Variants in NAV3 observed in about 807,000 individuals in gnomAD.
The protein encoded by NAV3 is pore membrane and/or filament interacting like protein 1.
In NAV3, 87 loss-of-function variants were observed where a neutral mutation model predicts 244.7. The ratio of observed to expected loss-of-function variants is 0.36; its 90% CI spans 0.30 to 0.42. The LOEUF (loss-of-function observed/expected upper bound fraction) is 0.42, where lower values mean the gene tolerates loss of function less well. NAV3 is among the 20% of genes least tolerant of loss of function. NAV3 has a pLI of 1.00. For missense variants in NAV3, 2,663 were observed against 2,893.3 expected (o/e 0.92, Z 1.83); for synonymous variants, 1,126 against 1,042.2 (o/e 1.08, Z -1.55).
intron 12 of NAV3, among the ~76,000 whole-genome samples, chr12:78,090,255 A>T (rs1953857174): frequency 6.7e-6 from 1 of 149,064 alleles, no homozygotes; most frequent in South Asian, 2.1e-4. Flanking sequence ...ATCAAATTTT[A>T]TATATATATA....
intron 2 of NAV3, among the ~76,000 whole-genome samples, chr12:77,810,782 T>G (rs11613572): frequency 0.072 from 10,916 of 152,262 alleles, 529 homozygotes; most frequent in Non-Finnish European, 0.1. Flanking sequence ...TATTTCTGCC[T>G]AACCACTTTA....
intron 2 of NAV3, among the ~76,000 whole-genome samples, chr12:77,713,080 G>A (rs1463052903): frequency 2.3e-4 from 35 of 152,164 alleles, no homozygotes; most frequent in Admixed American, 2.3e-3. Flanking sequence ...TCTACCAACC[G>A]AGAGATTGCC....
intron 1 of NAV3, among the ~76,000 whole-genome samples, chr12:77,886,088 A>C (rs1883253188): frequency 6.6e-6 from 1 of 152,070 alleles, no homozygotes; most frequent in African/African-American, 2.4e-5. Flanking sequence ...CGATAGTCTC[A>C]ATCCAGGCTT....
In NAV3 at chr12:77,951,511, C is replaced by T. The variant is rs1349395360; in HGVS notation, c.414+10378C>T. Among the ~76,000 whole-genome samples the T allele has an allele frequency of 4.6e-5, 7 of 152,100 alleles. No homozygotes were observed. The East Asian group carries it at 7.7e-4, about 17-fold the overall frequency. On this transcript the variant is annotated intron_variant, in intron 3 of 39. Coordinates refer to ENST00000397909, the MANE Select transcript of NAV3 (RefSeq NM_001024383.2). ...TCAACAATTGTGGAAGACGGTGCGG[C>T]GGTTGCTCAAGGATCTGGAACTAGA...
chr12:77,978,832 A>G (rs1044364770), intron 5 of NAV3, among the ~76,000 whole-genome samples: 3 of 151,886 alleles, frequency 2.0e-5, no homozygotes, highest in Admixed American at 1.3e-4. Flanking sequence ...TTGATCTCTC[A>G]GTCTAATAAG....
At chr12:78,208,355 A>C (rs1353733399) in intron 39 of NAV3, among the ~76,000 whole-genome samples, 3 of 152,172 alleles carry the variant, frequency 2.0e-5, no homozygotes, top group African/African-American at 7.2e-5. Context: ...ACTACGACTC[A>C]CATCCCAACA....
In NAV3 at chr12:77,831,151, CAG is replaced by C. The variant is rs1231851773; in HGVS notation, c.-295_-294del. On this transcript the variant is annotated 5_prime_UTR_variant, in exon 1 of 40. Transcript: ENST00000397909. ...ATTACTTAGATACTGAGTCACTGAA[CAG>C]AGAGAGAGAGAGAGACAGAGAGAGA... is the stretch of plus-strand genomic sequence containing the variant. 1,241 of 153,780 alleles carry C rather than the reference CAG, an allele frequency of 8.1e-3. 1 individual carries two copies. Among genetic ancestry groups the C allele is most frequent in the South Asian group, 0.016 (108 of 6,886 alleles). The allele number at this position is 153,780 out of a possible 1,614,324, so 9.5% of individuals were successfully genotyped here.
At chr12:77,995,358 A>C (rs1209097348) in intron 6 of NAV3, among the ~76,000 whole-genome samples, 1 of 152,198 alleles carries the variant, frequency 6.6e-6, no homozygotes, top group Non-Finnish European at 1.5e-5. Flanking sequence ...CTTCTTTATG[A>C]CACAGGTATA....
At chr12:77,858,982 C>T (rs116469277) in intron 1 of NAV3, among the ~76,000 whole-genome samples, 1,708 of 152,156 alleles carry the variant, frequency 0.011, 32 homozygotes, top group African/African-American at 0.039. Flanking sequence ...TTTGTGTTGA[C>T]TGACTGGCAT....
At chr12:77,732,312 T>C (rs1877158549) in intron 2 of NAV3, among the ~76,000 whole-genome samples, 1 of 151,598 alleles carries the variant, frequency 6.6e-6, no homozygotes, top group African/African-American at 2.4e-5. Context: ...AGAAGGGAGG[T>C]AGACATTACT....
intron 2 of NAV3, among the ~76,000 whole-genome samples, chr12:77,675,371 C>G (rs995321679): frequency 1.3e-5 from 2 of 152,166 alleles, no homozygotes; most frequent in African/African-American, 4.8e-5. Flanking sequence ...CCAGCAGGAG[C>G]TGAAGCTGCT....
rs190541835 is a variant in NAV3 at position 77,992,886 on chromosome 12, T to G, written c.672-1917T>G. 1.0e-3 allele frequency among the ~76,000 whole-genome samples: 152 copies of G among 152,256 alleles called. 1 individual carries two copies. The highest frequency in any genetic ancestry group is 6.8e-3 in the Middle Eastern group (2 of 294). ...GCTCAAAAAGAGGCAGGGACCAACA[T>G]GGTCAAATACAAAGACTTTAGAACA... On this transcript the variant is annotated intron_variant, in intron 5 of 39. Coordinates refer to ENST00000397909, the MANE Select transcript of NAV3 (RefSeq NM_001024383.2).
chr12:77,981,258 T>G (rs540135809), intron 5 of NAV3, among the ~76,000 whole-genome samples: 31 of 152,260 alleles, frequency 2.0e-4, no homozygotes, highest in African/African-American at 6.5e-4. Flanking sequence ...GGACCACATA[T>G]AGTTTTGAGG....
At chr12:77,837,292 A>G (rs891485057) in intron 1 of NAV3, among the ~76,000 whole-genome samples, 4 of 151,932 alleles carry the variant, frequency 2.6e-5, no homozygotes, top group Non-Finnish European at 4.4e-5. Context: ...GTAAACAACT[A>G]TAAATGAAGC....
chr12:77,914,996 A>G (rs1267336668), intron 1 of NAV3, among the ~76,000 whole-genome samples: 2 of 152,014 alleles, frequency 1.3e-5, no homozygotes, highest in African/African-American at 4.8e-5. Flanking sequence ...TTTAGTTACA[A>G]AATACATATT....
chr12:77,705,737 G>A (rs1462607824), intron 2 of NAV3, among the ~76,000 whole-genome samples: 1 of 151,390 alleles, frequency 6.6e-6, no homozygotes, highest in Non-Finnish European at 1.5e-5. Flanking sequence ...CTAACGGCTG[G>A]TAATTATATA....
At chr12:78,073,554 G>C (rs1326313923) in intron 12 of NAV3, among the ~76,000 whole-genome samples, 1 of 151,804 alleles carries the variant, frequency 6.6e-6, no homozygotes, top group African/African-American at 2.4e-5. Flanking sequence ...CAAACAAATG[G>C]AAGAACATTC....
chr12:78,116,181 A>T (rs1401751228), intron 12 of NAV3, among the ~76,000 whole-genome samples: 1 of 152,184 alleles, frequency 6.6e-6, no homozygotes, highest in Non-Finnish European at 1.5e-5. Context: ...TGAAGGCCAG[A>T]TAAGAGGATA....
chr12:77,717,946 G>A (rs1876433984), intron 2 of NAV3, among the ~76,000 whole-genome samples: 1 of 152,122 alleles, frequency 6.6e-6, no homozygotes, highest in South Asian at 2.1e-4. Flanking sequence ...TCACTGAGTT[G>A]TAGGAGTTCT....
Sources: gnomAD v4.1 joint callset for allele counts (sites outside exome capture counted in the v4.1 genomes callset) on GRCh38, gnomAD v4.1.1 for gene constraint, MANE v1.5 for transcripts, NCBI Gene and HGNC (gene_info 2026-07-23, HGNC 2026-07-21) for gene names.